SETBP1: variants seen among roughly 807,000 people sequenced by gnomAD.
SETBP1 encodes the protein SET binding protein 1.
A neutral mutation model predicts 101.0 loss-of-function variants in SETBP1; 9 were observed. That is an observed-to-expected ratio of 0.09 (90% CI 0.05 to 0.16). The LOEUF is 0.16. Ranked by LOEUF, SETBP1 falls within the 10% of genes least tolerant of loss-of-function variation. The pLI is 1.00. For missense variants in SETBP1, 1,858 were observed against 2,033.8 expected, an observed-to-expected ratio of 0.91 and a Z score of 1.66; for synonymous variants, 818 against 788.5, an observed-to-expected ratio of 1.04 and a Z score of -0.63.
intron 4 of SETBP1, among the ~76,000 whole-genome samples, chr18:45,032,496 GTGA>G (rs1406602291): frequency 8.5e-5 from 13 of 152,194 alleles, no homozygotes; most frequent in Non-Finnish European, 1.8e-4. Context: ...TAGAATGAAA[GTGA>G]TGATGATAAA....
chr18:44,820,353 C>G (rs1262139090), intron 2 of SETBP1, among the ~76,000 whole-genome samples: 1 of 152,176 alleles, frequency 6.6e-6, no homozygotes, highest in Non-Finnish European at 1.5e-5. Flanking sequence ...CATCTGTTTC[C>G]TAACTCTTGT....
chr18:44,910,530 A>G (rs1415229522), intron 3 of SETBP1, among the ~76,000 whole-genome samples: 1 of 152,158 alleles, frequency 6.6e-6, no homozygotes, highest in East Asian at 1.9e-4. Context: ...ATCAAAGATC[A>G]GGCAAAGATA....
chr18:44,856,372 C>A (rs1199018791), intron 2 of SETBP1, among the ~76,000 whole-genome samples: 1 of 152,192 alleles, frequency 6.6e-6, no homozygotes. Context: ...AAGCCAAGAG[C>A]ATGTCCCTGG....
chr18:44,810,412 A>T (rs528525422), intron 2 of SETBP1, among the ~76,000 whole-genome samples: 1 of 152,320 alleles, frequency 6.6e-6, no homozygotes, highest in Non-Finnish European at 1.5e-5. Context: ...CTTAATACAG[A>T]TGGAGGGTTG....
At chr18:44,748,234 T>G (rs1288445815) in intron 2 of SETBP1, among the ~76,000 whole-genome samples, 1 of 152,186 alleles carries the variant, frequency 6.6e-6, no homozygotes, top group Non-Finnish European at 1.5e-5. Flanking sequence ...ATTTCACTGC[T>G]CTCAAGGATC....
chr18:44,858,905 T>G (rs546931393), intron 2 of SETBP1, among the ~76,000 whole-genome samples: 13 of 152,312 alleles, frequency 8.5e-5, no homozygotes, highest in African/African-American at 2.2e-4. Flanking sequence ...TATATGATCA[T>G]GATATCACTC....
chr18:44,745,011 T>TG (rs1568121601), intron 2 of SETBP1, among the ~76,000 whole-genome samples: 1 of 152,096 alleles, frequency 6.6e-6, no homozygotes, highest in African/African-American at 2.4e-5. Context: ...GGCTGCAAGC[T>TG]GGGCCTCCCT....
intron 4 of SETBP1, among the ~76,000 whole-genome samples, chr18:45,017,853 A>T (rs531108391): frequency 2.2e-4 from 34 of 152,316 alleles, no homozygotes; most frequent in African/African-American, 7.9e-4. Flanking sequence ...GGGCCTTCAC[A>T]GTCATTAGGC....
At chr18:44,695,730 T>A (rs2069003446) in intron 1 of SETBP1, among the ~76,000 whole-genome samples, 2 of 152,172 alleles carry the variant, frequency 1.3e-5, no homozygotes, top group South Asian at 2.1e-4. Context: ...CTTTAAGACC[T>A]GAGAGGTGCA....
intron 2 of SETBP1, among the ~76,000 whole-genome samples, chr18:44,807,224 TACATATAG>T (rs2071764343): frequency 6.6e-6 from 1 of 152,198 alleles, no homozygotes; most frequent in African/African-American, 2.4e-5. Flanking sequence ...TTATAGATTG[TACATATAG>T]TTTATTTCTT....
At chr18:44,683,042 G>C (rs1173533976) in intron 1 of SETBP1, among the ~76,000 whole-genome samples, 1 of 152,296 alleles carries the variant, frequency 6.6e-6, no homozygotes, top group African/African-American at 2.4e-5. Flanking sequence ...GTGAACATAA[G>C]GTGGAGTGTC....
chr18:44,868,725 A>T (rs199720799), intron 2 of SETBP1, among the ~76,000 whole-genome samples: 2 of 34,068 alleles, frequency 5.9e-5, no homozygotes, highest in African/African-American at 8.4e-5. Context: ...GAAGGAAGGA[A>T]GGAAGGAAGG....
At chr18:44,987,283 TTTTCCTGC>T (rs2072262293) in intron 4 of SETBP1, 2 of 152,174 alleles carry the variant, frequency 1.3e-5, no homozygotes, top group South Asian at 4.2e-4. Flanking sequence ...GCCCCCAGAG[TTTTCCTGC>T]TGACCACTCT....
At position 44,951,713 on chromosome 18, in the gene SETBP1, C is replaced by G; in HGVS notation, c.2373C>G (p.Ser791Arg). 3 of 1,614,160 alleles carry G rather than the reference C, an allele frequency of 1.9e-6. No homozygotes were observed. Among genetic ancestry groups the G allele is most frequent in the Non-Finnish European group, 2.5e-6 (3 of 1,180,034 alleles). Reference sequence around the variant, plus strand: ...TAGGTGGGTCCAATGGCAACCTGAGCCCTGCCAGCACTGAAACCAATTTTT... The same window carrying G: ...TAGGTGGGTCCAATGGCAACCTGAGGCCTGCCAGCACTGAAACCAATTTTT... ...TQLGGSNGNLSPASTETNFSE... is the reference protein window; with the variant it reads ...TQLGGSNGNLRPASTETNFSE... Residue 791 changes from serine (S) to arginine (R), a missense_variant, in exon 4 of 6, where the codon AGC (serine) becomes AGG (arginine). Ser to Arg is a moderately radical substitution (Grantham distance 110, BLOSUM62 -1). Around this residue, in one of 12 missense-constraint regions of SETBP1, gnomAD observed 121 missense variants for 138.0 expected, o/e 0.88. Coordinates refer to ENST00000649279, the MANE Select transcript of SETBP1 (RefSeq NM_015559.3). This position sits in a 1 kb window ranked among gnomAD's most constrained non-coding sequence, Gnocchi z 7.8.
chr18:44,994,952 T>C lies in SETBP1; in HGVS notation c.4000+41612T>C, dbSNP rs1051124136. Reference sequence around the variant, plus strand: ...AGAGCTAAATATCAGCCCTTCAAGATACTCCCAAGCCTTTTGCCCAGGTGT... The same window carrying C: ...AGAGCTAAATATCAGCCCTTCAAGACACTCCCAAGCCTTTTGCCCAGGTGT... On this transcript the variant is annotated intron_variant, in intron 4 of 5. Coordinates refer to ENST00000649279, the MANE Select transcript of SETBP1 (RefSeq NM_015559.3). Among the ~76,000 whole-genome samples the C allele has an allele frequency of 1.4e-4, 21 of 152,198 alleles. No individual in the cohort carries two copies. In the East Asian group the frequency reaches 1.5e-3, roughly 11 times the overall value.
chr18:44,846,885 G>A (rs899097506), intron 2 of SETBP1, among the ~76,000 whole-genome samples: 3 of 152,148 alleles, frequency 2.0e-5, no homozygotes, highest in African/African-American at 7.2e-5. Flanking sequence ...AGTCTCAAGG[G>A]CTGTTACCAT....
At chr18:45,056,940 T>A (rs548890432) in intron 5 of SETBP1, among the ~76,000 whole-genome samples, 52 of 152,306 alleles carry the variant, frequency 3.4e-4, no homozygotes, top group African/African-American at 1.2e-3. Flanking sequence ...CCCCTAAGAA[T>A]AAGTTGTTGT....
intron 3 of SETBP1, among the ~76,000 whole-genome samples, 176 bp from the exon 4 acceptor site, chr18:44,949,705 C>A (rs1483441255): frequency 6.6e-6 from 1 of 152,208 alleles, no homozygotes; most frequent in East Asian, 1.9e-4. Context: ...TTTACTACTG[C>A]AATTGAGAAA....
chr18:44,995,606 G>A (rs893400007), intron 4 of SETBP1, among the ~76,000 whole-genome samples: 1 of 149,450 alleles, frequency 6.7e-6, no homozygotes, highest in African/African-American at 2.5e-5. Context: ...TAACATTTCT[G>A]TATTCATCCA....
Sources: allele counts gnomAD v4.1 joint callset (sites outside exome capture counted in the v4.1 genomes callset), GRCh38; gene constraint gnomAD v4.1.1; regional missense constraint gnomAD v4.1.1; non-coding constraint Gnocchi (gnomAD v3.1); transcripts MANE v1.5; gene names NCBI Gene and HGNC (gene_info 2026-07-23, HGNC 2026-07-21).